GABRG3: variants seen among roughly 807,000 people sequenced by gnomAD.
The protein encoded by GABRG3 is gamma-aminobutyric acid receptor subunit gamma-3.
GABRG3 carries 25 observed loss-of-function variants against 48.8 expected under a neutral mutation model. The ratio of observed to expected loss-of-function variants is 0.51; its 90% CI spans 0.37 to 0.72. GABRG3 has a LOEUF of 0.72. GABRG3 is among the 30% of genes least tolerant of loss of function. The probability of loss-of-function intolerance (pLI) is 0.00; values close to 1 mark genes in which losing one functional copy is unlikely to be tolerated. For missense variants in GABRG3, 394 were observed against 577.9 expected (o/e 0.68, Z 3.26); for synonymous variants, 227 against 217.6 (o/e 1.04, Z -0.38).
chr15:27,053,668 C>T (rs1896491666), intron 3 of GABRG3, among the ~76,000 whole-genome samples: 1 of 152,132 alleles, frequency 6.6e-6, no homozygotes, highest in Non-Finnish European at 1.5e-5. Flanking sequence ...ACGACATATG[C>T]ACTTGTATGT....
intron 3 of GABRG3, among the ~76,000 whole-genome samples, chr15:27,227,815 G>A (rs1056114148): frequency 6.6e-6 from 1 of 151,996 alleles, no homozygotes; most frequent in African/African-American, 2.4e-5. Flanking sequence ...AAAAATAACA[G>A]ATGCTAAGGC....
chr15:27,328,474 G>A (rs1277120464), intron 4 of GABRG3, among the ~76,000 whole-genome samples: 1 of 152,250 alleles, frequency 6.6e-6, no homozygotes, highest in Middle Eastern at 3.2e-3. Context: ...CCAAATGGAG[G>A]AAGGATTTAA....
chr15:27,035,103 A>G (rs1334429902), intron 3 of GABRG3, among the ~76,000 whole-genome samples: 1 of 152,216 alleles, frequency 6.6e-6, no homozygotes, highest in African/African-American at 2.4e-5. Context: ...CACCACGCAC[A>G]TGTCTCCATC....
At chr15:27,156,387 T>TAGAGA in intron 3 of GABRG3, among the ~76,000 whole-genome samples, 1 of 151,838 alleles carries the variant, frequency 6.6e-6, no homozygotes, top group African/African-American at 2.4e-5. Flanking sequence ...TAGAGAGAGC[T>TAGAGA]GGCTTCTGTT....
intron 3 of GABRG3, among the ~76,000 whole-genome samples, chr15:27,030,918 T>A (rs1054387040): frequency 6.6e-6 from 1 of 152,144 alleles, no homozygotes; most frequent in Non-Finnish European, 1.5e-5. Context: ...AGCCTTAACA[T>A]AGACACAAAA....
intron 3 of GABRG3, among the ~76,000 whole-genome samples, chr15:27,075,286 C>A (rs1896892379): frequency 6.6e-6 from 1 of 152,116 alleles, no homozygotes; most frequent in South Asian, 2.1e-4. Flanking sequence ...CATATTGAAG[C>A]TTTTTAAACA....
chr15:27,529,532 G>A (rs1013490774), intron 9 of GABRG3, among the ~76,000 whole-genome samples: 6 of 152,056 alleles, frequency 3.9e-5, no homozygotes, highest in Non-Finnish European at 8.8e-5. Flanking sequence ...CTTGTTAATC[G>A]GGACCTCATA....
intron 5 of GABRG3, among the ~76,000 whole-genome samples, chr15:27,347,565 A>G (rs906346130): frequency 6.6e-5 from 10 of 152,300 alleles, no homozygotes; most frequent in African/African-American, 2.4e-4. Context: ...AGAGTAGGTC[A>G]CTTTTATGGC....
intron 5 of GABRG3, among the ~76,000 whole-genome samples, chr15:27,440,884 A>G (rs1164729276): frequency 6.6e-6 from 1 of 152,228 alleles, no homozygotes; most frequent in Non-Finnish European, 1.5e-5. Flanking sequence ...TGTAAATAGT[A>G]TACCCATGGG....
At chr15:27,111,938 C>T (rs1041722153) in intron 3 of GABRG3, among the ~76,000 whole-genome samples, 1 of 139,596 alleles carries the variant, frequency 7.2e-6, no homozygotes, top group Non-Finnish European at 1.6e-5. Context: ...GGAGAAGGTT[C>T]TATGAATGTT....
intron 3 of GABRG3, among the ~76,000 whole-genome samples, chr15:27,320,211 G>A (rs1893372978): frequency 1.3e-5 from 2 of 152,192 alleles, no homozygotes; most frequent in African/African-American, 4.8e-5. Context: ...AGTGCAAGAT[G>A]TTTTATACAA....
At chr15:27,521,035 T>C (rs1891148247) in intron 7 of GABRG3, among the ~76,000 whole-genome samples, 1 of 152,052 alleles carries the variant, frequency 6.6e-6, no homozygotes, top group African/African-American at 2.4e-5. Flanking sequence ...TCAACACAGA[T>C]TTCGTGACTA....
intron 5 of GABRG3, among the ~76,000 whole-genome samples, chr15:27,376,767 T>C (rs899327746): frequency 7.2e-5 from 11 of 152,176 alleles, no homozygotes; most frequent in African/African-American, 2.4e-4. Context: ...AAGCCTATCA[T>C]GGGAGGGGCT....
chr15:27,430,366 A>C (rs995038876), intron 5 of GABRG3, among the ~76,000 whole-genome samples: 8 of 152,192 alleles, frequency 5.3e-5, no homozygotes, highest in African/African-American at 1.9e-4. Flanking sequence ...TCCACTTACT[A>C]ATGGTATCCT....
chr15:27,263,308 A>G (rs1193504963), intron 3 of GABRG3, among the ~76,000 whole-genome samples: 15 of 152,182 alleles, frequency 9.9e-5, no homozygotes, highest in Admixed American at 8.5e-4. Flanking sequence ...GTGGTCAGTC[A>G]TCTGTAAACT....
chr15:27,084,539 A>T (rs948772402), intron 3 of GABRG3, among the ~76,000 whole-genome samples: 6 of 152,242 alleles, frequency 3.9e-5, no homozygotes, highest in African/African-American at 1.4e-4. Flanking sequence ...ACAACCATGA[A>T]TGTGAACCTG....
In GABRG3 at chr15:27,532,994, C is replaced by T; in HGVS notation, c.*113C>T. On this transcript the variant is annotated 3_prime_UTR_variant, in exon 10 of 10. Transcript: ENST00000615808. ...CAAGGAAGGACACTGCCCAGTGTAT[C>T]TTGTTATAAATGACCTTTCAGCAAC... 4.0e-6 allele frequency: 4 copies of T among 995,388 alleles called. No homozygotes were observed. Among genetic ancestry groups the T allele is most frequent in the Middle Eastern group, 3.3e-4 (1 of 3,074 alleles). 61.7% of individuals were successfully genotyped at this position (995,388 alleles called of 1,614,324 possible).
At chr15:27,182,754 A>G (rs1012172934) in intron 3 of GABRG3, among the ~76,000 whole-genome samples, 21 of 152,130 alleles carry the variant, frequency 1.4e-4, no homozygotes, top group Non-Finnish European at 2.8e-4. Flanking sequence ...TGAATTTGCA[A>G]CTGCTGGGAA....
chr15:27,185,965 C>T (rs943098770), intron 3 of GABRG3, among the ~76,000 whole-genome samples: 2 of 150,788 alleles, frequency 1.3e-5, no homozygotes, highest in African/African-American at 4.9e-5. Flanking sequence ...AAACAATATG[C>T]AGTTGCATCA....
Sources: allele counts gnomAD v4.1 joint callset (sites outside exome capture counted in the v4.1 genomes callset), GRCh38; gene constraint gnomAD v4.1.1; transcripts MANE v1.5; gene names NCBI Gene and HGNC (gene_info 2026-07-23, HGNC 2026-07-21).